ODAD1: variants seen among roughly 807,000 people sequenced by gnomAD.
ODAD1 encodes the protein outer dynein arm-docking complex subunit 1.
ODAD1 carries 49 observed loss-of-function variants against 67.2 expected under a neutral mutation model. That is an observed-to-expected ratio of 0.73 (90% CI 0.58 to 0.92). ODAD1 has a LOEUF of 0.92. Among genes scored for constraint, ODAD1 ranks in the 40% least tolerant of loss-of-function variants. The pLI is 0.00. For missense variants in ODAD1, 897 were observed against 953.7 expected (o/e 0.94, Z 0.78); for synonymous variants, 345 against 393.7 (o/e 0.88, Z 1.46).
chr19:48,298,137 C>G, intron 13 of ODAD1, 40 bp from the exon 14 acceptor site: 1 of 1,611,882 alleles, frequency 6.2e-7, no homozygotes, highest in Admixed American at 1.7e-5. Flanking sequence ...GGGCCACCCC[C>G]GAGACCGGCC....
rs1969032940 is a variant in ODAD1, at chr19:48,321,680, C to CG, written c.-67dup. On this transcript the variant is annotated 5_prime_UTR_variant, in exon 1 of 16. Transcript: ENST00000674294. ...CGAGGCTGAGGTCTCACTAGTACCG[C>CG]GGGCCTGGAAGCGGCGGGAGTTGAA... 2 of 392,270 alleles carry CG rather than the reference C, an allele frequency of 5.1e-6. No individual in the cohort carries two copies. The highest frequency in any genetic ancestry group is 8.9e-5 in the Admixed American group (2 of 22,438). 24.3% of individuals were successfully genotyped at this position (392,270 alleles called of 1,614,324 possible). A position where few individuals can be genotyped will look rare whatever the true frequency, so the allele number is the denominator to read the frequency against.
chr19:48,297,939 TGTTCCCTCTGCCCCCATGGAAGCCCC>T, intron 14 of ODAD1, 35 bp downstream of exon 14: 1 of 1,341,680 alleles, frequency 7.5e-7, no homozygotes, highest in Admixed American at 2.0e-5. Flanking sequence ...CTATCCTGTG[TGTTCCCTCTGCCCCCATGGAAGCCCC>T]GTCCCCTCTG....
rs201641397 is a variant in ODAD1, at chr19:48,301,815, CTGGATGGATGGA to C, written c.1240+867_1240+878del. On this transcript the variant is annotated intron_variant, in intron 12 of 15. Coordinates refer to ENST00000674294, the MANE Select transcript of ODAD1 (RefSeq NM_001364171.2). ...CATGGGACAGTTGGAGGAATAGATC[CTGGATGGATGGA>C]TGGATGGATGGATGGATGGATGGAT... 2.3e-3 allele frequency among the ~76,000 whole-genome samples: 330 copies of C among 145,420 alleles called. 1 individual carries two copies. The highest frequency in any genetic ancestry group is 4.6e-3 in the African/African-American group (176 of 38,304).
intron 11 of ODAD1, 49 bp from the exon 12 acceptor site, chr19:48,302,911 G>T: frequency 6.2e-7 from 1 of 1,612,538 alleles, no homozygotes; most frequent in African/African-American, 1.3e-5. Flanking sequence ...CTCGGGAGTT[G>T]GGGGTGTGGA....
intron 10 of ODAD1, chr19:48,303,426 T>C (rs1037365711): frequency 1.7e-6 from 1 of 601,596 alleles, no homozygotes; most frequent in African/African-American, 1.9e-5. Flanking sequence ...GGGAAGGATG[T>C]GGAGAGTGAC....
chr19:48,313,830 C>G (rs1968832089), intron 5 of ODAD1, among the ~76,000 whole-genome samples: 1 of 152,142 alleles, frequency 6.6e-6, no homozygotes, highest in Non-Finnish European at 1.5e-5. Context: ...CTGCAGTGAG[C>G]TGTGATTGAG....
chr19:48,313,151 G>C (rs1038709033), intron 5 of ODAD1, among the ~76,000 whole-genome samples: 1 of 152,194 alleles, frequency 6.6e-6, no homozygotes, highest in Admixed American at 6.5e-5. Context: ...TATGTTGGCC[G>C]GGCACGGTGG....
In ODAD1 at chr19:48,304,128, CT is replaced by C; in HGVS notation, c.677del (p.Lys226ArgfsTer83). The C allele has an allele frequency of 6.2e-7, 1 of 1,608,468 alleles. No homozygotes were observed. Among genetic ancestry groups the C allele is most frequent in the African/African-American group, 1.3e-5 (1 of 74,992 alleles). ...GCTCCCGCAGCAAGCCCATCTTGGC[CT>C]TCGCCTCCTCCCTGCGGGGGTCAGC... The part of the protein sequence containing the change: ...TSAYAVREEA[K>X]AKMGLLRERA... On this transcript the variant is annotated frameshift_variant, in exon 9 of 16. Transcript: ENST00000674294. LOFTEE classifies it high-confidence loss of function.
chr19:48,305,092 G>A (rs574225802), intron 8 of ODAD1, among the ~76,000 whole-genome samples: 1 of 152,192 alleles, frequency 6.6e-6, no homozygotes, highest in South Asian at 2.1e-4. Flanking sequence ...TGTCGATCAG[G>A]GACCATGAGA....
intron 5 of ODAD1, among the ~76,000 whole-genome samples, chr19:48,317,725 C>A (rs1376439881): frequency 6.7e-6 from 1 of 150,260 alleles, no homozygotes; most frequent in Non-Finnish European, 1.5e-5. Flanking sequence ...GTCAACCAGG[C>A]TGGAGTGCAG....
Position 48,297,517 on chromosome 19 carries a change from A to T in ODAD1, c.1583T>A (p.Val528Glu). Residue 528 changes from valine (V) to glutamate (E), a missense_variant and splice_region_variant, in exon 16 of 16, where the codon GTG becomes GAG. Coordinates refer to ENST00000674294, the MANE Select transcript of ODAD1 (RefSeq NM_001364171.2). ...EELLSQVEKL[V>E]ELQEQAEAQR... ...CGCCTCCGCCTGCTCCTGGAGCTCC[A>T]CCTGCAGGGAAGGTGAACTGGGCCC... The T allele has an allele frequency of 6.2e-7, 1 of 1,603,730 alleles. No homozygotes were observed. Among genetic ancestry groups the T allele is most frequent in the Non-Finnish European group, 8.5e-7 (1 of 1,175,728 alleles).
At chr19:48,298,363 T>A (rs769414060) in intron 12 of ODAD1, 23 bp from the exon 13 acceptor site, 1 of 1,612,590 alleles carries the variant, frequency 6.2e-7, no homozygotes, top group Non-Finnish European at 8.5e-7. Context: ...GGGCCGGTTG[T>A]CAGGGATCTG....
chr19:48,296,494 AT>A lies in ODAD1; in HGVS notation c.*481del. On this transcript the variant is annotated 3_prime_UTR_variant, in exon 16 of 16. Transcript: ENST00000674294. ...ACATATACTTTATTTCCACAGTCCC[AT>A]TTTCCCATGCTGAACCTGGCGTCTT... 1 of 156,760 alleles carries A rather than the reference AT, an allele frequency of 6.4e-6. No individual in the cohort carries two copies. Among genetic ancestry groups the A allele is most frequent in the Non-Finnish European group, 1.4e-5 (1 of 71,412 alleles). The allele number at this position is 156,760 out of a possible 1,614,324, so 9.7% of individuals were successfully genotyped here.
At chr19:48,312,370 G>A (rs548054597) in intron 5 of ODAD1, among the ~76,000 whole-genome samples, 1 of 149,266 alleles carries the variant, frequency 6.7e-6, no homozygotes, top group South Asian at 2.1e-4. Context: ...ATGGGAATGT[G>A]ACCCCATGGA....
At chr19:48,312,414 T>G (rs1361422560) in intron 5 of ODAD1, among the ~76,000 whole-genome samples, 4 of 7,802 alleles carry the variant, frequency 5.1e-4, no homozygotes, top group South Asian at 3.7e-3. Flanking sequence ...TTTTTTTTGT[T>G]TTTTTTTTTT....
intron 12 of ODAD1, among the ~76,000 whole-genome samples, chr19:48,302,257 A>G (rs1392964606): frequency 6.6e-6 from 1 of 152,038 alleles, no homozygotes; most frequent in Non-Finnish European, 1.5e-5. Flanking sequence ...AGAGATAGAT[A>G]TAGGACAGAT....
At position 48,296,964 on chromosome 19, in the gene ODAD1, G is replaced by A. The variant is rs1044595301; in HGVS notation, c.*12C>T. ...AGAGCCAGGGCAGGGTGGGGGCTGC[G>A]TGCCCCTCGTGTTAGCCCCGGGAGT... On this transcript the variant is annotated 3_prime_UTR_variant, in exon 16 of 16. Transcript: ENST00000674294. 46 of 1,576,310 alleles carry A rather than the reference G, an allele frequency of 2.9e-5. No individual in the cohort carries two copies. Among genetic ancestry groups the A allele is most frequent in the Non-Finnish European group, 3.8e-5 (44 of 1,163,314 alleles).
chr19:48,318,664 C>T (rs1304373928), intron 4 of ODAD1, 49 bp downstream of exon 4: 2 of 1,526,388 alleles, frequency 1.3e-6, no homozygotes, highest in African/African-American at 1.4e-5. Flanking sequence ...CAGTCTTCAG[C>T]CCCTCTGACC....
At chr19:48,318,136 C>T (rs980356090) in intron 5 of ODAD1, among the ~76,000 whole-genome samples, 1 of 152,100 alleles carries the variant, frequency 6.6e-6, no homozygotes, top group Non-Finnish European at 1.5e-5. Context: ...GGATTACAGG[C>T]ATGTGCCACC....
Sources: gnomAD v4.1 joint callset for allele counts (sites outside exome capture counted in the v4.1 genomes callset) on GRCh38, gnomAD v4.1.1 for gene constraint, MANE v1.5 for transcripts, NCBI Gene and HGNC (gene_info 2026-07-23, HGNC 2026-07-21) for gene names.